Variants in DLC1 observed in about 807,000 individuals in gnomAD.
The protein encoded by DLC1 is DLC1 Rho GTPase activating protein.
In DLC1, 54 loss-of-function variants were observed where a neutral mutation model predicts 140.3. The ratio of observed to expected loss-of-function variants is 0.38; its 90% CI spans 0.31 to 0.48. DLC1 has a LOEUF of 0.48. Among genes scored for constraint, DLC1 ranks in the 20% least tolerant of loss-of-function variants. The pLI, the probability that DLC1 is intolerant of heterozygous loss-of-function variation, is 0.96. For missense variants in DLC1, 2,536 were observed against 1,907.0 expected, an observed-to-expected ratio of 1.33 and a Z score of -6.14; for synonymous variants, 986 against 728.1, an observed-to-expected ratio of 1.35 and a Z score of -5.70.
intron 4 of DLC1, among the ~76,000 whole-genome samples, chr8:13,364,771 C>T (rs1372150806): frequency 2.0e-5 from 3 of 152,128 alleles, no homozygotes; most frequent in Non-Finnish European, 4.4e-5. Flanking sequence ...CAATCAAAAC[C>T]AAACTTTTCC....
chr8:13,586,756 C>T (rs181785947), intron 1 of DLC1, among the ~76,000 whole-genome samples: 1 of 151,946 alleles, frequency 6.6e-6, no homozygotes, highest in Non-Finnish European at 1.5e-5. Context: ...TGACATCAAT[C>T]CAGTCAAAAT....
intron 5 of DLC1, among the ~76,000 whole-genome samples, chr8:13,258,107 T>C (rs532486935): frequency 1.3e-5 from 2 of 152,280 alleles, no homozygotes; most frequent in East Asian, 3.9e-4. Context: ...TATCTCAACT[T>C]GAATCACCCA....
intron 1 of DLC1, among the ~76,000 whole-genome samples, chr8:13,536,562 T>G (rs937765525): frequency 2.0e-5 from 3 of 152,144 alleles, no homozygotes; most frequent in African/African-American, 7.2e-5. Context: ...TAGAAATGAT[T>G]AGACTGAGGC....
At chr8:13,272,341 G>A (rs1025398920) in intron 5 of DLC1, among the ~76,000 whole-genome samples, 8 of 152,022 alleles carry the variant, frequency 5.3e-5, no homozygotes, top group African/African-American at 1.9e-4. Flanking sequence ...CCAGCTACTC[G>A]AGAGGCTGGG....
At chr8:13,140,562 G>C (rs1339742655) in intron 5 of DLC1, among the ~76,000 whole-genome samples, 2 of 150,654 alleles carry the variant, frequency 1.3e-5, no homozygotes, top group African/African-American at 4.9e-5. Flanking sequence ...AAGCATTTTT[G>C]TCTTTGCTTG....
At chr8:13,125,580 G>C (rs1347448882) in intron 5 of DLC1, among the ~76,000 whole-genome samples, 1 of 152,124 alleles carries the variant, frequency 6.6e-6, no homozygotes, top group African/African-American at 2.4e-5. Flanking sequence ...CAGAATTGAG[G>C]TGATTTGCTG....
At chr8:13,395,390 G>A (rs2117224561) in intron 3 of DLC1, among the ~76,000 whole-genome samples, 1 of 152,254 alleles carries the variant, frequency 6.6e-6, no homozygotes, top group East Asian at 1.9e-4. Context: ...CAAAAGCTGG[G>A]ATTGCGCGCA....
At chr8:13,220,459 T>C (rs903284657) in intron 5 of DLC1, among the ~76,000 whole-genome samples, 5 of 152,168 alleles carry the variant, frequency 3.3e-5, no homozygotes, top group Non-Finnish European at 7.4e-5. Flanking sequence ...TAAGGATTAA[T>C]TTAAAGCACA....
intron 4 of DLC1, among the ~76,000 whole-genome samples, chr8:13,332,220 T>C (rs1395446976): frequency 6.6e-6 from 1 of 152,228 alleles, no homozygotes; most frequent in Non-Finnish European, 1.5e-5. Context: ...CATATTTTCC[T>C]GCCTTAGCGA....
At chr8:13,184,956 G>A (rs111387492) in intron 5 of DLC1, among the ~76,000 whole-genome samples, 22,827 of 151,950 alleles carry the variant, frequency 0.15, 1,819 homozygotes, top group South Asian at 0.21. Flanking sequence ...GGTCTGTAAG[G>A]ACTTGCTTTA....
At chr8:13,141,024 G>T (rs1432267468) in intron 5 of DLC1, among the ~76,000 whole-genome samples, 2 of 152,128 alleles carry the variant, frequency 1.3e-5, no homozygotes, top group Non-Finnish European at 1.5e-5. Context: ...GGAGGCCGAG[G>T]CGTGTGGATC....
At chr8:13,144,754 T>A (rs922808340) in intron 5 of DLC1, among the ~76,000 whole-genome samples, 4 of 152,164 alleles carry the variant, frequency 2.6e-5, no homozygotes, top group Non-Finnish European at 4.4e-5. Context: ...AACAGAGCGA[T>A]ACTCTGCCTC....
At chr8:13,386,773 T>A (rs1836539198) in intron 4 of DLC1, among the ~76,000 whole-genome samples, 1 of 151,686 alleles carries the variant, frequency 6.6e-6, no homozygotes, top group Non-Finnish European at 1.5e-5. Context: ...ATTATAATAA[T>A]CACTGAACAA....
At chr8:13,477,393 A>G (rs1800481836) in intron 2 of DLC1, among the ~76,000 whole-genome samples, 1 of 152,208 alleles carries the variant, frequency 6.6e-6, no homozygotes, top group Non-Finnish European at 1.5e-5. Flanking sequence ...AAGCAGTAAG[A>G]GCCCGTGGGA....
intron 2 of DLC1, among the ~76,000 whole-genome samples, chr8:13,450,272 TG>T (rs1798978804): frequency 6.6e-6 from 1 of 151,508 alleles, no homozygotes; most frequent in South Asian, 2.1e-4. Flanking sequence ...CTGGCCAACA[TG>T]GTGAAACGCT....
chr8:13,166,795 T>C (rs1274846594), intron 5 of DLC1, among the ~76,000 whole-genome samples: 3 of 152,174 alleles, frequency 2.0e-5, no homozygotes, highest in Non-Finnish European at 4.4e-5. Flanking sequence ...CAGTTCATAC[T>C]AAGTGCAGCT....
At chr8:13,300,617 C>T (rs1832151411) in intron 5 of DLC1, among the ~76,000 whole-genome samples, 1 of 152,060 alleles carries the variant, frequency 6.6e-6, no homozygotes, top group African/African-American at 2.4e-5. Flanking sequence ...GGCACAGAGG[C>T]AGGGAGAAGT....
In DLC1 at chr8:13,100,511, G is replaced by C. The variant is rs371098007; in HGVS notation, c.1826C>G (p.Pro609Arg). The change falls in exon 9 of 18, where the codon CCC becomes CGC. Residue 609 changes from proline (P) to arginine (R), a missense_variant. Physicochemically the swap from Pro to Arg is moderately radical, Grantham distance 103 (BLOSUM62 -2). Coordinates refer to ENST00000276297, the MANE Select transcript of DLC1 (RefSeq NM_182643.3). ...CCGGGGGGTGGCAGCATCCTCGCTGGGGGGCGCGTGGCTGGGGAGGCTGCC... is the reference window on the plus strand; with the variant it reads ...CCGGGGGGTGGCAGCATCCTCGCTGCGGGGCGCGTGGCTGGGGAGGCTGCC... ...STGSLPSHAP[P>R]SEDAATPRTN... 16 of 1,612,430 alleles carry C rather than the reference G, an allele frequency of 9.9e-6. No individual in the cohort carries two copies. The Admixed American group carries it at 1.5e-4, about 15-fold the overall frequency.
At chr8:13,396,608 A>T (rs145252299) in intron 3 of DLC1, among the ~76,000 whole-genome samples, 69 of 152,246 alleles carry the variant, frequency 4.5e-4, no homozygotes, top group African/African-American at 1.6e-3. Context: ...AACTTGACCA[A>T]AGTCGTATCC....
Sources: allele counts gnomAD v4.1 joint callset (sites outside exome capture counted in the v4.1 genomes callset), GRCh38; gene constraint gnomAD v4.1.1; transcripts MANE v1.5; gene names NCBI Gene and HGNC (gene_info 2026-07-23, HGNC 2026-07-21).